The following MAN1A2 variants were observed in gnomAD, a reference collection of about 807,000 sequenced individuals.
MAN1A2 encodes mannosyl-oligosaccharide 1,2-alpha-mannosidase IB.
Under a neutral mutation model 75.7 loss-of-function variants are expected in MAN1A2, and 26 were observed. The observed-to-expected ratio is 0.34, with a 90% confidence interval of 0.25 to 0.48. MAN1A2 has a LOEUF of 0.48. Ranked by LOEUF, MAN1A2 falls within the 20% of genes least tolerant of loss-of-function variation. MAN1A2 has a pLI of 0.99. For synonymous variants in MAN1A2, 247 were observed against 264.6 expected, an observed-to-expected ratio of 0.93 and a Z score of 0.65; for missense variants, 562 against 775.5, an observed-to-expected ratio of 0.72 and a Z score of 3.27.
At chr1:117,504,718 T>A (rs922381126) in intron 12 of MAN1A2, among the ~76,000 whole-genome samples, 4 of 151,542 alleles carry the variant, frequency 2.6e-5, no homozygotes, top group Non-Finnish European at 5.9e-5. Flanking sequence ...GTCTCTTTAG[T>A]CTCCTTTAAT....
intron 8 of MAN1A2, among the ~76,000 whole-genome samples, chr1:117,472,962 T>C (rs900691348): frequency 1.3e-5 from 2 of 151,964 alleles, no homozygotes; most frequent in African/African-American, 4.8e-5. Flanking sequence ...CTCCATTCTC[T>C]CTTCTCTCCA....
intron 12 of MAN1A2, among the ~76,000 whole-genome samples, chr1:117,513,716 G>T (rs772197611): frequency 4.6e-5 from 7 of 152,054 alleles, no homozygotes; most frequent in Non-Finnish European, 8.8e-5. Context: ...AAGCAGAAAT[G>T]TAGGAGCTAA....
Position 117,405,645 on chromosome 1 carries a change from G to A in MAN1A2, c.655G>A (p.Gly219Arg). 4 of 1,562,102 alleles carry A rather than the reference G, an allele frequency of 2.6e-6. No individual in the cohort carries two copies. The highest frequency in any genetic ancestry group is 3.5e-6 in the Non-Finnish European group (4 of 1,135,290). ...ARKGHSPNIF[G>R]SSQMGATIVD... ...GAAAGGACACTCCCCTAACATATTT[G>A]GTAAGTTTACTTTTTCTAATTACTA... Residue 219 changes from glycine to arginine, a missense_variant and splice_region_variant, in exon 3 of 13, where the codon GGA (glycine) becomes AGA (arginine). This residue lies in a region of MAN1A2 where 434 missense variants were observed against 645.7 expected (regional missense o/e 0.67). Coordinates refer to ENST00000356554, the MANE Select transcript of MAN1A2 (RefSeq NM_006699.5).
rs189955572 is a variant in MAN1A2 at position 117,396,246 on chromosome 1, C to T, written c.303-5940C>T. On this transcript the variant is annotated intron_variant, in intron 1 of 12. Coordinates refer to ENST00000356554, the MANE Select transcript of MAN1A2 (RefSeq NM_006699.5). The stretch of plus-strand genomic sequence containing the variant: ...TTTAAAACTATTAGTTGTGGCCAAC[C>T]CTACCTGAAGATCTGGTATGGCCAG... 3.3e-5 allele frequency among the ~76,000 whole-genome samples: 5 copies of T among 152,234 alleles called. No homozygotes were observed. In the East Asian group the frequency reaches 9.6e-4, roughly 29 times the overall value.
intron 1 of MAN1A2, among the ~76,000 whole-genome samples, chr1:117,376,283 G>C (rs1447632966): frequency 6.9e-6 from 1 of 143,960 alleles, no homozygotes; most frequent in African/African-American, 2.7e-5. Flanking sequence ...GTCAAGAATA[G>C]GTCGAGGCAG....
chr1:117,522,809 C>T lies in MAN1A2; in HGVS notation c.1794-16C>T, dbSNP rs1651903682. 2 of 1,607,506 alleles carry T rather than the reference C, an allele frequency of 1.2e-6. No individual in the cohort carries two copies. The highest frequency in any genetic ancestry group is 1.3e-5 in the African/African-American group (1 of 74,638). ...GAATTCTAACTGAAGCTCATTTCTC[C>T]CCTTTTTATTTTCAGATATTTGTAT... On this transcript the variant is annotated splice_polypyrimidine_tract_variant and intron_variant, in intron 12 of 12. Transcript: ENST00000356554.
At position 117,496,809 on chromosome 1, in the gene MAN1A2, TTATTGGAGAATGGAAGA is replaced by T; in HGVS notation, c.1332_1348del (p.Phe444LeufsTer30). ...AAGAAGTCTCGTGGAGGTCTTACCTTTATTGGAGAATGGAAGAATGGGCACTTGGAAAAAAAGATGGG... is the reference window on the plus strand; with the variant it reads ...AAGAAGTCTCGTGGAGGTCTTACCTTATGGGCACTTGGAAAAAAAGATGGG... On this transcript the variant is annotated frameshift_variant, in exon 10 of 13. Coordinates refer to ENST00000356554, the MANE Select transcript of MAN1A2 (RefSeq NM_006699.5). LOFTEE classifies it high-confidence loss of function. 1 of 1,612,636 alleles carries T rather than the reference TTATTGGAGAATGGAAGA, an allele frequency of 6.2e-7. No individual in the cohort carries two copies. The highest frequency in any genetic ancestry group is 8.5e-7 in the Non-Finnish European group (1 of 1,179,124).
At chr1:117,418,602 G>A (rs932588794) in intron 4 of MAN1A2, among the ~76,000 whole-genome samples, 2 of 151,862 alleles carry the variant, frequency 1.3e-5, no homozygotes, top group African/African-American at 4.8e-5. Flanking sequence ...TTGCTTTGTT[G>A]TTCTGTAATT....
chr1:117,391,668 G>A (rs987169404), intron 1 of MAN1A2, among the ~76,000 whole-genome samples: 9 of 152,180 alleles, frequency 5.9e-5, no homozygotes, highest in South Asian at 2.1e-4. Flanking sequence ...TATGCCTCCT[G>A]TACATAGGAT....
chr1:117,508,682 A>G (rs551592139), intron 12 of MAN1A2, among the ~76,000 whole-genome samples: 20 of 151,846 alleles, frequency 1.3e-4, no homozygotes, highest in African/African-American at 4.6e-4. Flanking sequence ...ATTATGGCAC[A>G]TCCACAATAG....
At chr1:117,420,781 C>A in intron 5 of MAN1A2, 132 bp downstream of exon 5, 1 of 640,158 alleles carries the variant, frequency 1.6e-6, no homozygotes, top group Non-Finnish European at 2.8e-6. Flanking sequence ...CTGGTTGCTT[C>A]AGGCAGAACT....
At chr1:117,416,221 A>G (rs1051735122) in intron 4 of MAN1A2, among the ~76,000 whole-genome samples, 2 of 152,084 alleles carry the variant, frequency 1.3e-5, no homozygotes, top group Non-Finnish European at 2.9e-5. Flanking sequence ...TATATTAGTC[A>G]TATTACAGTT....
chr1:117,390,132 A>T (rs1653669638), intron 1 of MAN1A2, among the ~76,000 whole-genome samples: 1 of 152,170 alleles, frequency 6.6e-6, no homozygotes, highest in Non-Finnish European at 1.5e-5. Context: ...TGATTCTGGT[A>T]TCAGAGTAAT....
intron 1 of MAN1A2, among the ~76,000 whole-genome samples, chr1:117,378,728 G>A (rs1653237569): frequency 6.6e-6 from 1 of 152,104 alleles, no homozygotes; most frequent in Non-Finnish European, 1.5e-5. Flanking sequence ...TATTGTTAGA[G>A]TTTAAAACTC....
intron 5 of MAN1A2, among the ~76,000 whole-genome samples, chr1:117,425,875 G>A (rs909246974): frequency 6.6e-6 from 1 of 152,060 alleles, no homozygotes; most frequent in East Asian, 1.9e-4. Flanking sequence ...TAAAAGAAAT[G>A]CCTTTTTGTC....
intron 8 of MAN1A2, 31 bp from the exon 9 acceptor site, chr1:117,493,116 C>T: frequency 8.2e-7 from 1 of 1,226,072 alleles, no homozygotes; most frequent in Non-Finnish European, 1.2e-6. Context: ...TTGCCTTTAC[C>T]TCTATCCTTC....
intron 12 of MAN1A2, among the ~76,000 whole-genome samples, chr1:117,514,508 T>C (rs1651651927): frequency 6.6e-6 from 1 of 152,202 alleles, no homozygotes; most frequent in Non-Finnish European, 1.5e-5. Context: ...TTTACTGCTG[T>C]TGTTATCTTC....
intron 1 of MAN1A2, among the ~76,000 whole-genome samples, chr1:117,386,182 G>C (rs1020905731): frequency 6.6e-6 from 1 of 152,138 alleles, no homozygotes; most frequent in Non-Finnish European, 1.5e-5. Flanking sequence ...AAACCGAAAG[G>C]AATCCTACAT....
At chr1:117,513,540 C>T (rs1313046558) in intron 12 of MAN1A2, among the ~76,000 whole-genome samples, 1 of 151,880 alleles carries the variant, frequency 6.6e-6, no homozygotes, top group Non-Finnish European at 1.5e-5. Flanking sequence ...AATTGTTTAC[C>T]ATTTGGCTAC....
Sources: gnomAD v4.1 joint callset for allele counts (sites outside exome capture counted in the v4.1 genomes callset) on GRCh38, gnomAD v4.1.1 for gene constraint, gnomAD v4.1.1 regional missense constraint, MANE v1.5 for transcripts, NCBI Gene and HGNC (gene_info 2026-07-23, HGNC 2026-07-21) for gene names.